STXBP5L: variants seen among roughly 807,000 people sequenced by gnomAD.
STXBP5L encodes the protein syntaxin-binding protein 5-like.
In STXBP5L, 65 loss-of-function variants were observed where a neutral mutation model predicts 144.5. The ratio of observed to expected loss-of-function variants is 0.45; its 90% CI spans 0.37 to 0.55. The LOEUF is 0.55. STXBP5L is among the 20% of genes least tolerant of loss of function. The probability of loss-of-function intolerance (pLI) is 0.00; values close to 1 mark genes in which losing one functional copy is unlikely to be tolerated. For missense variants in STXBP5L, 1,298 were observed against 1,405.5 expected (o/e 0.92, Z 1.22); for synonymous variants, 505 against 469.6 (o/e 1.08, Z -0.97).
intron 9 of STXBP5L, among the ~76,000 whole-genome samples, chr3:121,191,908 GACACAGGGTGGGGAACATCAC>G (rs1241470067): frequency 7.0e-6 from 1 of 142,994 alleles, no homozygotes; most frequent in Non-Finnish European, 1.5e-5. Context: ...AGAACACTGG[GACACAGGGTGGGGAACATCAC>G]ACACAGGGGC....
intron 19 of STXBP5L, among the ~76,000 whole-genome samples, chr3:121,310,283 A>G (rs2108510033): frequency 6.6e-6 from 1 of 152,394 alleles, no homozygotes; most frequent in Non-Finnish European, 1.5e-5. Flanking sequence ...CTTCAAGTAA[A>G]TTAAATTTCT....
intron 19 of STXBP5L, chr3:121,282,254 C>CA: frequency 6.2e-7 from 1 of 1,609,380 alleles, no homozygotes; most frequent in Non-Finnish European, 8.5e-7. Context: ...GGTGGTCTGG[C>CA]ATGTTCCAAA....
chr3:121,237,813 G>C (rs1242489936), intron 12 of STXBP5L, among the ~76,000 whole-genome samples: 1 of 152,144 alleles, frequency 6.6e-6, no homozygotes, highest in African/African-American at 2.4e-5. Flanking sequence ...CCATAATGCA[G>C]CCAAATTCTC....
chr3:121,130,657 GACCCTGGTAAA>G (rs1430907370), intron 7 of STXBP5L, among the ~76,000 whole-genome samples: 2 of 152,202 alleles, frequency 1.3e-5, no homozygotes, highest in Admixed American at 1.3e-4. Flanking sequence ...AACCCTGAAT[GACCCTGGTAAA>G]GAAAATCATC....
chr3:121,073,011 T>C (rs1281613614), intron 5 of STXBP5L, among the ~76,000 whole-genome samples: 1 of 152,222 alleles, frequency 6.6e-6, no homozygotes, highest in African/African-American at 2.4e-5. Flanking sequence ...AAGTTCCGAC[T>C]GGCAGAGGGC....
At chr3:121,189,628 T>C (rs1195223959) in intron 9 of STXBP5L, among the ~76,000 whole-genome samples, 1 of 152,228 alleles carries the variant, frequency 6.6e-6, no homozygotes, top group African/African-American at 2.4e-5. Context: ...ACTGTAGCCT[T>C]GTAGTATAGT....
At chr3:121,089,632 G>A (rs978277596) in intron 5 of STXBP5L, among the ~76,000 whole-genome samples, 16 of 151,390 alleles carry the variant, frequency 1.1e-4, no homozygotes, top group Admixed American at 5.9e-4. Context: ...TCAGCTTCTT[G>A]CATTTTTTAG....
chr3:121,332,146 C>T (rs1255560993), intron 20 of STXBP5L, among the ~76,000 whole-genome samples: 6 of 150,790 alleles, frequency 4.0e-5, no homozygotes, highest in Non-Finnish European at 8.9e-5. Flanking sequence ...ATAGTTTACC[C>T]AAATGAGAAG....
intron 18 of STXBP5L, among the ~76,000 whole-genome samples, chr3:121,267,415 A>G (rs1386604176): frequency 6.6e-6 from 1 of 152,234 alleles, no homozygotes; most frequent in Non-Finnish European, 1.5e-5. Context: ...TTAGCACAAG[A>G]TGGATTAAAG....
intron 5 of STXBP5L, among the ~76,000 whole-genome samples, chr3:121,095,269 GTTGCT>G (rs1560126025): frequency 6.6e-6 from 1 of 152,116 alleles, no homozygotes; most frequent in South Asian, 2.1e-4. Flanking sequence ...GTGTCTTGGA[GTTGCT>G]CTTCTCGAGG....
intron 20 of STXBP5L, among the ~76,000 whole-genome samples, chr3:121,373,922 C>T (rs969769034): frequency 1.3e-5 from 2 of 152,176 alleles, no homozygotes; most frequent in Non-Finnish European, 2.9e-5. Flanking sequence ...CCCAGGGACT[C>T]AAGGAGCAGG....
At chr3:121,417,062 C>T (rs2047256317) in intron 25 of STXBP5L, among the ~76,000 whole-genome samples, 1 of 151,252 alleles carries the variant, frequency 6.6e-6, no homozygotes, top group South Asian at 2.1e-4. Context: ...AGAAGCCAGA[C>T]AAAAAAAAGG....
chr3:121,135,939 T>C (rs1285659856), intron 7 of STXBP5L, among the ~76,000 whole-genome samples: 1 of 152,160 alleles, frequency 6.6e-6, no homozygotes, highest in African/African-American at 2.4e-5. Flanking sequence ...ACTGAAGGCC[T>C]TAGCATGTCC....
At chr3:121,368,373 C>A (rs1417378517) in intron 20 of STXBP5L, among the ~76,000 whole-genome samples, 1 of 151,930 alleles carries the variant, frequency 6.6e-6, no homozygotes, top group African/African-American at 2.4e-5. Flanking sequence ...TTTGTTCATA[C>A]ATCCTTTACT....
At chr3:121,220,919 A>T (rs944539833) in intron 10 of STXBP5L, among the ~76,000 whole-genome samples, 1 of 151,996 alleles carries the variant, frequency 6.6e-6, no homozygotes, top group African/African-American at 2.4e-5. Context: ...TACTTTATAT[A>T]TACACATAGC....
intron 20 of STXBP5L, among the ~76,000 whole-genome samples, chr3:121,351,978 A>G (rs1416082087): frequency 6.6e-6 from 1 of 152,144 alleles, no homozygotes; most frequent in Non-Finnish European, 1.5e-5. Context: ...AGGTTTGTCA[A>G]AGATCAGATG....
At chr3:121,093,659 CTCTT>C (rs2042950087) in intron 5 of STXBP5L, among the ~76,000 whole-genome samples, 1 of 152,074 alleles carries the variant, frequency 6.6e-6, no homozygotes, top group African/African-American at 2.4e-5. Context: ...TGATTCTTCT[CTCTT>C]TTTTTCTTTA....
At chr3:121,002,856 T>A (rs974570655) in intron 3 of STXBP5L, among the ~76,000 whole-genome samples, 1 of 152,128 alleles carries the variant, frequency 6.6e-6, no homozygotes, top group Non-Finnish European at 1.5e-5. Context: ...GTTTCCAGCT[T>A]CATCCATGTC....
intron 3 of STXBP5L, among the ~76,000 whole-genome samples, chr3:120,993,800 A>G (rs1559968540): frequency 6.6e-6 from 1 of 151,922 alleles, no homozygotes; most frequent in South Asian, 2.1e-4. Context: ...TTGGTTCCAT[A>G]TAAATTTTAG....
Sources: gnomAD v4.1 joint callset for allele counts (sites outside exome capture counted in the v4.1 genomes callset) on GRCh38, gnomAD v4.1.1 for gene constraint, MANE v1.5 for transcripts, NCBI Gene and HGNC (gene_info 2026-07-23, HGNC 2026-07-21) for gene names.